Variants in C1RL observed in about 807,000 individuals in gnomAD.
C1RL encodes the protein complement C1r subcomponent like.
C1RL carries 27 observed loss-of-function variants against 27.9 expected under a neutral mutation model. That is an observed-to-expected ratio of 0.97 (90% CI 0.71 to 1.33). The LOEUF (loss-of-function observed/expected upper bound fraction) is 1.33. Ranked by LOEUF, C1RL falls within the 40% of genes most tolerant of loss-of-function variation. The pLI, the probability that C1RL is intolerant of heterozygous loss-of-function variation, is 0.00. For missense variants in C1RL, 563 were observed against 623.9 expected (o/e 0.90, Z 1.04); for synonymous variants, 248 against 252.1 (o/e 0.98, Z 0.15).
chr12:7,100,708 A>G (rs887474394), intron 3 of C1RL, among the ~76,000 whole-genome samples: 2 of 151,980 alleles, frequency 1.3e-5, no homozygotes, highest in African/African-American at 4.8e-5. Flanking sequence ...AATCGCTTGA[A>G]CCCAGGAGGC....
At position 7,104,602 on chromosome 12, in the gene C1RL, A is replaced by G. The variant is rs932822344; in HGVS notation, c.301-2515T>C. Among the ~76,000 whole-genome samples the G allele has an allele frequency of 3.3e-5, 5 of 152,160 alleles. No homozygotes were observed. Among genetic ancestry groups the G allele is most frequent in the African/African-American group, 9.7e-5 (4 of 41,432 alleles). ...CAGTGTGAGTGAGTATGAGTGTGTG[A>G]GTGCGTCCTGAAACAGGATGGTGTC... On this transcript the variant is annotated intron_variant, in intron 2 of 5. Coordinates refer to ENST00000266542, the MANE Select transcript of C1RL (RefSeq NM_016546.4). The surrounding 1 kb of genome is among the most constrained non-coding windows in gnomAD (Gnocchi z 5.4).
rs1938418978 is a variant in C1RL, at chr12:7,096,188, T to C, written c.*203A>G. The C allele has an allele frequency of 6.6e-6, 9 of 1,373,152 alleles. No individual in the cohort carries two copies. The South Asian group carries it at 1.4e-4, about 22-fold the overall frequency. The allele number at this position is 1,373,152 out of a possible 1,614,324, so 85.1% of individuals were successfully genotyped here. On this transcript the variant is annotated 3_prime_UTR_variant, in exon 6 of 6. Coordinates refer to ENST00000266542, the MANE Select transcript of C1RL (RefSeq NM_016546.4). ...TGAGGAGGAGCGGTCTGTGGGACTC[T>C]GCTTCCTGTCTGGGATGGGGCGGGC... is the stretch of plus-strand genomic sequence containing the variant.
intron 2 of C1RL, among the ~76,000 whole-genome samples, chr12:7,106,603 T>C (rs896236805): frequency 5.3e-5 from 8 of 152,128 alleles, no homozygotes; most frequent in East Asian, 3.8e-4. Flanking sequence ...GGAGGACCGA[T>C]AGACTGAAAT....
rs769444687 is a variant in C1RL, at chr12:7,099,972, T to A, written c.545A>T (p.Asn182Ile). The A allele has an allele frequency of 6.2e-7, 1 of 1,614,014 alleles. No individual in the cohort carries two copies. ...SEASRGSEAI[N>I]APGDNPAKVQ... ...CTTGGCAGGGTTGTCTCCAGGTGCG[T>A]TGATGGCCTCAGAGCCCCTGCTGGC... The change falls in exon 4 of 6, where the codon AAC (asparagine) becomes ATC (isoleucine). Residue 182 changes from asparagine (N) to isoleucine (I), a missense_variant. By Grantham distance (149) the Asn-to-Ile change is moderately radical (BLOSUM62 -3). Coordinates refer to ENST00000266542, the MANE Select transcript of C1RL (RefSeq NM_016546.4).
intron 1 of C1RL, 45 bp from the exon 2 acceptor site, chr12:7,108,524 C>T (rs745696237): frequency 2.0e-6 from 3 of 1,490,986 alleles, no homozygotes; most frequent in Non-Finnish European, 2.7e-6. Context: ...CAGCTATGGC[C>T]GGAAGCCTGT....
intron 5 of C1RL, chr12:7,099,420 A>G: frequency 2.0e-6 from 2 of 978,720 alleles, no homozygotes; most frequent in Non-Finnish European, 2.4e-6. Context: ...CTGTTACTTC[A>G]GCTTGTTGGT....
Position 7,095,557 on chromosome 12 carries a change from A to G in C1RL, c.*834T>C, listed in dbSNP as rs769230319. The G allele has an allele frequency of 3.0e-6, 3 of 986,082 alleles. No individual in the cohort carries two copies. The African/African-American group carries it at 5.2e-5, about 17-fold the overall frequency. 61.1% of individuals were successfully genotyped at this position (986,082 alleles called of 1,614,324 possible). ...CCTGGCTTCTGCAGGAGATGGGGCC[A>G]TTAGGAAAGTGTGAGCTAGAGGATA... On this transcript the variant is annotated 3_prime_UTR_variant, in exon 6 of 6. Transcript: ENST00000266542.
intron 3 of C1RL, among the ~76,000 whole-genome samples, chr12:7,100,463 T>C (rs940357060): frequency 2.6e-5 from 4 of 152,224 alleles, no homozygotes; most frequent in Non-Finnish European, 5.9e-5. Flanking sequence ...AAATACATTA[T>C]GACACATCAA....
At position 7,108,335 on chromosome 12, in the gene C1RL, C is replaced by T; in HGVS notation, c.216G>A (p.Lys72=). Residue 72 remains lysine (K), a synonymous_variant, in exon 2 of 6, where the codon AAG becomes AAA. Transcript: ENST00000266542. ...GKGQESSTDI[K]APEGFAVRLV... is the part of the protein sequence containing the mutation. ...GCCTCACAGCAAAGCCCTCTGGAGC[C>T]TTGATGTCCGTGCTGCTCTCTTGGC... The T allele has an allele frequency of 6.2e-7, 1 of 1,614,254 alleles. No homozygotes were observed.
rs1347328770 is a variant in C1RL at position 7,108,298 on chromosome 12, C to T, written c.253G>A (p.Asp85Asn). The T allele has an allele frequency of 1.2e-6, 2 of 1,614,174 alleles. No individual in the cohort carries two copies. The highest frequency in any genetic ancestry group is 1.7e-6 in the Non-Finnish European group (2 of 1,180,008). ...TCCTGGGACGGCTCCAGGTCGAAGT[C>T]CTGGAAGACGAGCCTCACAGCAAAG... ...EGFAVRLVFQ[D>N]FDLEPSQDCA... is the part of the protein sequence containing the mutation. The change falls in exon 2 of 6, where the codon GAC becomes AAC. Residue 85 changes from aspartate (D) to asparagine (N), a missense_variant. Transcript: ENST00000266542.
At chr12:7,097,186 G>A in intron 5 of C1RL, 23 bp from the exon 6 acceptor site, 1 of 1,571,564 alleles carries the variant, frequency 6.4e-7, no homozygotes, top group Non-Finnish European at 8.6e-7. Flanking sequence ...CGGGGTAGGG[G>A]TGACAGTCAG....
rs752143125 is a variant in C1RL, at chr12:7,095,902, T to A, written c.*489A>T. Reference sequence around the variant, plus strand: ...ATAAAAAAGGAGCTGTTTCTATAATTGCATCTTGGAGCTGCAGAATAGCTT... The same window carrying A: ...ATAAAAAAGGAGCTGTTTCTATAATAGCATCTTGGAGCTGCAGAATAGCTT... On this transcript the variant is annotated 3_prime_UTR_variant, in exon 6 of 6. Transcript: ENST00000266542. 72 of 985,910 alleles carry A rather than the reference T, an allele frequency of 7.3e-5. No individual in the cohort carries two copies. The African/African-American group carries it at 1.3e-3, about 17-fold the overall frequency. The allele number at this position is 985,910 out of a possible 1,614,324, so 61.1% of individuals were successfully genotyped here. A position where few individuals can be genotyped will look rare whatever the true frequency, so the allele number is the denominator to read the frequency against.
rs768054198 is a variant in C1RL, at chr12:7,099,902, T to A, written c.615A>T (p.Ala205=). ...CQEPYYQAAA[A]GALTCATPGT... ...ACCCCTCGGCAGGTGGGGACTCACCTGCTGCCGCGGCCTGATAATAGGGCT... is the reference window on the plus strand; with the variant it reads ...ACCCCTCGGCAGGTGGGGACTCACCAGCTGCCGCGGCCTGATAATAGGGCT... The change falls in exon 4 of 6, where the codon GCA becomes GCT. Residue 205 remains alanine (A), a splice_region_variant and synonymous_variant. Transcript: ENST00000266542. The A allele has an allele frequency of 1.7e-5, 27 of 1,614,090 alleles. No individual in the cohort carries two copies. The highest frequency in any genetic ancestry group is 2.3e-5 in the Non-Finnish European group (27 of 1,180,026).
At chr12:7,101,098 C>CTG (rs1183734814) in intron 3 of C1RL, among the ~76,000 whole-genome samples, 1 of 35,974 alleles carries the variant, frequency 2.8e-5, no homozygotes, top group African/African-American at 1.0e-4. Context: ...TCCCTCCTTC[C>CTG]CTCCTTCCTT....
In C1RL at chr12:7,096,489, C is replaced by A; in HGVS notation, c.1366G>T (p.Val456Leu). The A allele has an allele frequency of 6.2e-7, 1 of 1,614,162 alleles. No homozygotes were observed. The highest frequency in any genetic ancestry group is 8.5e-7 in the Non-Finnish European group (1 of 1,180,026). The change falls in exon 6 of 6, where the codon GTG (valine) becomes TTG (leucine). Residue 456 changes from valine to leucine, a missense_variant. Physicochemically the swap from Val to Leu is conservative, Grantham distance 32. Transcript: ENST00000266542. ...HAHHWVATGI[V>L]SWGIGCGEGY... ...TCGCCACACCCTATGCCCCAGGACACAATGCCCGTGGCCACCCAGTGATGG... is the reference window on the plus strand; with the variant it reads ...TCGCCACACCCTATGCCCCAGGACAAAATGCCCGTGGCCACCCAGTGATGG...
At position 7,109,121 on chromosome 12, in the gene C1RL, A is replaced by G; in HGVS notation, c.60T>C (p.Cys20=). 1 of 1,593,810 alleles carries G rather than the reference A, an allele frequency of 6.3e-7. No individual in the cohort carries two copies. The highest frequency in any genetic ancestry group is 8.6e-7 in the Non-Finnish European group (1 of 1,169,290). Residue 20 remains cysteine (C), a synonymous_variant, in exon 1 of 6, where the codon TGT becomes TGC. Transcript: ENST00000266542. ...YLWRSPHSKG[C]PGAMWWLLLW... ...GGGGCCACACTCACATTGCGCCTGG[A>G]CAGCCTTTGGAGTGAGGGCTTCTCC...
chr12:7,108,422 G>A lies in C1RL; in HGVS notation c.129C>T (p.Leu43=), dbSNP rs755222352. 3.7e-6 allele frequency: 6 copies of A among 1,613,186 alleles called. No homozygotes were observed. The highest frequency in any genetic ancestry group is 3.3e-5 in the South Asian group (3 of 90,940). Residue 43 remains leucine (L), a synonymous_variant, in exon 2 of 6, where the codon CTC becomes CTT. Coordinates refer to ENST00000266542, the MANE Select transcript of C1RL (RefSeq NM_016546.4). ...LQACPTRGSV[L]LAQELPQQLT... is the part of the protein sequence containing the mutation. ...GCTGCTGGGGTAGCTCTTGGGCCAA[G>A]AGGACGGAGCCCCGGGTTGGGCAAG...
In C1RL at chr12:7,094,859, G is replaced by A. The variant is rs1015537449; in HGVS notation, c.*1532C>T. 9 of 1,000,846 alleles carry A rather than the reference G, an allele frequency of 9.0e-6. No homozygotes were observed. The African/African-American group carries it at 1.2e-4, about 14-fold the overall frequency. 62.0% of individuals were successfully genotyped at this position (1,000,846 alleles called of 1,614,324 possible). On this transcript the variant is annotated 3_prime_UTR_variant, in exon 6 of 6. Transcript: ENST00000266542. ...CTCCTGAGTGGCTGGGGGTATAAGT[G>A]TGCATCATTGCACCTGCCTTTTGGG...
Position 7,102,165 on chromosome 12 carries a change from T to C in C1RL, c.301-78A>G, listed in dbSNP as rs766464201. The C allele has an allele frequency of 2.1e-5, 30 of 1,423,728 alleles. No individual in the cohort carries two copies. In the East Asian group the frequency reaches 6.7e-4, roughly 32 times the overall value. The allele number at this position is 1,423,728 out of a possible 1,614,324, so 88.2% of individuals were successfully genotyped here. On this transcript the variant is annotated intron_variant, in intron 2 of 5. Coordinates refer to ENST00000266542, the MANE Select transcript of C1RL (RefSeq NM_016546.4). ...CTGCTGGCATCACAGGGGCACATCC[T>C]CGGTGTGACTCCTGCCCCATCTAGA...
Sources: gnomAD v4.1 joint callset for allele counts (sites outside exome capture counted in the v4.1 genomes callset) on GRCh38, gnomAD v4.1.1 for gene constraint, Gnocchi (gnomAD v3.1) non-coding constraint, MANE v1.5 for transcripts, NCBI Gene and HGNC (gene_info 2026-07-23, HGNC 2026-07-21) for gene names.